Variants in ACOT11 observed in about 807,000 individuals in gnomAD.
ACOT11 encodes acyl-coenzyme A thioesterase 11.
A neutral mutation model predicts 77.5 loss-of-function variants in ACOT11; 69 were observed. The observed-to-expected ratio is 0.89, with a 90% confidence interval of 0.73 to 1.09. ACOT11 has a LOEUF of 1.09. Among genes scored for constraint, ACOT11 ranks in the 50% least tolerant of loss-of-function variants. The pLI, the probability that ACOT11 is intolerant of heterozygous loss-of-function variation, is 0.00. For synonymous variants in ACOT11, 279 were observed against 313.0 expected (o/e 0.89, Z 1.15); for missense variants, 766 against 813.7 (o/e 0.94, Z 0.71).
At chr1:54,568,833 G>A (rs1653833453) in intron 1 of ACOT11, among the ~76,000 whole-genome samples, 1 of 152,032 alleles carries the variant, frequency 6.6e-6, no homozygotes, top group African/African-American at 2.4e-5. Context: ...TCGTAACCTT[G>A]AACTCCTGGC....
chr1:54,608,176 A>G (rs1327520798), intron 15 of ACOT11, 108 bp downstream of exon 15: 3 of 1,101,002 alleles, frequency 2.7e-6, no homozygotes, highest in Non-Finnish European at 3.8e-6. Context: ...CTGGCCCCCC[A>G]GCAGGCTCCC....
chr1:54,556,433 A>T (rs1653260093), intron 1 of ACOT11, among the ~76,000 whole-genome samples: 5 of 152,142 alleles, frequency 3.3e-5, no homozygotes, highest in Admixed American at 3.3e-4. Context: ...GAAGAATGTC[A>T]TTGGCACTTT....
chr1:54,568,751 T>C (rs377171142), intron 1 of ACOT11, among the ~76,000 whole-genome samples: 2 of 152,078 alleles, frequency 1.3e-5, no homozygotes, highest in African/African-American at 4.8e-5. Flanking sequence ...TTTTTATTTT[T>C]ATTTTATTTT....
intron 1 of ACOT11, among the ~76,000 whole-genome samples, chr1:54,561,759 C>A (rs866172616): frequency 1.4e-5 from 1 of 70,316 alleles, no homozygotes; most frequent in African/African-American, 6.2e-5. Flanking sequence ...CCCTCCCGGA[C>A]GGGGCGGCTG....
chr1:54,611,918 G>A (rs1208810430), downstream of ACOT11, among the ~76,000 whole-genome samples: 1 of 152,104 alleles, frequency 6.6e-6, no homozygotes, highest in African/African-American at 2.4e-5. Context: ...GGAGCCAGAG[G>A]GAATTCAGGA....
chr1:54,619,984 G>A (rs749265596), intron 15 of ACOT11: 1 of 1,613,850 alleles, frequency 6.2e-7, no homozygotes, highest in African/African-American at 1.3e-5. Context: ...TCGGCATCAG[G>A]GCTGCAGGCC....
At chr1:54,574,447 C>T (rs546983809) in intron 1 of ACOT11, among the ~76,000 whole-genome samples, 61 of 152,344 alleles carry the variant, frequency 4.0e-4, no homozygotes, top group Admixed American at 7.2e-4. Context: ...TCCCCACTCC[C>T]TGCAGGCCTG....
chr1:54,611,032 C>T (rs1342093271), downstream of ACOT11: 1 of 984,682 alleles, frequency 1.0e-6, no homozygotes, highest in Non-Finnish European at 1.2e-6. Flanking sequence ...TTGGAATTTG[C>T]TGGTTTCCTA....
intron 1 of ACOT11, chr1:54,572,930 A>C: frequency 1.0e-6 from 1 of 985,410 alleles, no homozygotes; most frequent in African/African-American, 1.7e-5. Flanking sequence ...GAGAGCTGAG[A>C]ATTTATAAAG....
intron 15 of ACOT11, 100 bp downstream of exon 15, chr1:54,608,168 G>A (rs1644054037): frequency 2.3e-6 from 3 of 1,279,500 alleles, no homozygotes; most frequent in Non-Finnish European, 2.1e-6. Context: ...TCTCAGAGCT[G>A]GCCCCCCAGC....
chr1:54,606,890 CTGTG>C (rs1644032442), intron 13 of ACOT11, among the ~76,000 whole-genome samples: 1 of 152,222 alleles, frequency 6.6e-6, no homozygotes, highest in South Asian at 2.1e-4. Flanking sequence ...GTTCCCATGT[CTGTG>C]TGTATGTGTT....
intron 12 of ACOT11, among the ~76,000 whole-genome samples, chr1:54,604,710 G>A (rs1218024791): frequency 6.6e-6 from 1 of 152,082 alleles, no homozygotes; most frequent in Non-Finnish European, 1.5e-5. Flanking sequence ...CTGTTCTTCT[G>A]CAGTGATCAC....
At chr1:54,577,262 T>G (rs1343801451) in intron 1 of ACOT11, among the ~76,000 whole-genome samples, 2 of 152,232 alleles carry the variant, frequency 1.3e-5, no homozygotes, top group Non-Finnish European at 2.9e-5. Context: ...TCCATCACAC[T>G]AAAGTACTAC....
At chr1:54,574,182 C>T (rs900913240) in intron 1 of ACOT11, among the ~76,000 whole-genome samples, 1 of 152,208 alleles carries the variant, frequency 6.6e-6, no homozygotes, top group Non-Finnish European at 1.5e-5. Flanking sequence ...AACACTTGCT[C>T]CTGTTAGGTT....
intron 15 of ACOT11, among the ~76,000 whole-genome samples, chr1:54,621,990 G>C (rs996471291): frequency 6.6e-6 from 1 of 152,126 alleles, no homozygotes; most frequent in Non-Finnish European, 1.5e-5. Context: ...AAAGTTAAAG[G>C]GGGCCAGGCA....
intron 3 of ACOT11, among the ~76,000 whole-genome samples, chr1:54,588,530 T>G (rs1484265790): frequency 6.6e-6 from 1 of 152,160 alleles, no homozygotes; most frequent in East Asian, 1.9e-4. Context: ...CCAGAGCCCT[T>G]GCTCTTAACC....
intron 7 of ACOT11, chr1:54,598,931 G>C (rs1241155509): frequency 6.7e-6 from 1 of 149,514 alleles, no homozygotes. Flanking sequence ...GATCACCTGA[G>C]GTCAGGAGTT....
chr1:54,606,092 A>G (rs1364020395), intron 13 of ACOT11, among the ~76,000 whole-genome samples: 4 of 152,204 alleles, frequency 2.6e-5, no homozygotes, highest in Non-Finnish European at 5.9e-5. Context: ...CTCTTTATAC[A>G]TGGGCTTCCT....
chr1:54,560,866 C>A (rs943454400), intron 1 of ACOT11, among the ~76,000 whole-genome samples: 7 of 152,094 alleles, frequency 4.6e-5, no homozygotes, highest in African/African-American at 7.2e-5. Context: ...GGATTACAGG[C>A]GCCTGCCACC....
Sources: allele counts gnomAD v4.1 joint callset (sites outside exome capture counted in the v4.1 genomes callset), GRCh38; gene constraint gnomAD v4.1.1; transcripts MANE v1.5; gene names NCBI Gene and HGNC (gene_info 2026-07-23, HGNC 2026-07-21).